The following EMC10 variants were observed in gnomAD, a reference collection of about 807,000 sequenced individuals.
EMC10 encodes the protein UPF0510 protein INM02.
Under a neutral mutation model 32.2 loss-of-function variants are expected in EMC10, and 40 were observed. That is an observed-to-expected ratio of 1.24 (90% confidence interval 0.96 to 1.61). EMC10 has a LOEUF of 1.61. Ranked by LOEUF, EMC10 falls within the 40% of genes most tolerant of loss-of-function variation. EMC10 has a pLI of 0.00. For missense variants in EMC10, 402 were observed against 357.7 expected, an observed-to-expected ratio of 1.12 and a Z score of -1.00; for synonymous variants, 178 against 158.4, an observed-to-expected ratio of 1.12 and a Z score of -0.93.
At chr19:50,477,844 A>G in intron 1 of EMC10, 85 bp from the exon 2 acceptor site, 1 of 1,034,640 alleles carries the variant, frequency 9.7e-7, no homozygotes, top group East Asian at 2.8e-5. Context: ...TCAGCCCACC[A>G]GTCTGTCTGT....
In EMC10 at chr19:50,482,343, A is replaced by C. The variant is rs1240179400; in HGVS notation, c.*84A>C. ...GTCCCCTGTGTCCTCAGCCATCCCA[A>C]GAAGGGTTTGCTGGTCCCTCCTTTC... On this transcript the variant is annotated 3_prime_UTR_variant, in exon 7 of 7. Coordinates refer to ENST00000334976, the MANE Select transcript of EMC10 (RefSeq NM_206538.4). The C allele has an allele frequency of 1.5e-6, 1 of 663,638 alleles. No individual in the cohort carries two copies. Among genetic ancestry groups the C allele is most frequent in the Non-Finnish European group, 2.6e-6 (1 of 377,906 alleles). 41.1% of individuals were successfully genotyped at this position (663,638 alleles called of 1,614,324 possible). A position where few individuals can be genotyped will look rare whatever the true frequency, so the allele number is the denominator to read the frequency against.
chr19:50,490,417 A>G lies in EMC10; in HGVS notation c.*8158A>G, dbSNP rs918165894. The G allele has an allele frequency of 6.6e-6, 1 of 152,144 alleles. No individual in the cohort carries two copies. The highest frequency in any genetic ancestry group is 2.4e-5 in the African/African-American group (1 of 41,422). The allele number at this position is 152,144 out of a possible 1,614,324, so 9.4% of individuals were successfully genotyped here. A position where few individuals can be genotyped will look rare whatever the true frequency, so the allele number is the denominator to read the frequency against. On this transcript the variant is annotated 3_prime_UTR_variant, in exon 7 of 7. Transcript: ENST00000334976. ...CGTTGAGCCACCGTGGCCGGCCCTTAAAAGCATCAAACTACATACAAGACC... is the reference window on the plus strand; with the variant it reads ...CGTTGAGCCACCGTGGCCGGCCCTTGAAAGCATCAAACTACATACAAGACC...
chr19:50,482,388 C>A lies in EMC10; in HGVS notation c.*129C>A, dbSNP rs1226481262. ...CCTTTCCCCCCGTCCCACGAGGCCACCTGGGCCAGCCCCTTGTCCTCTGCC... is the reference window on the plus strand; with the variant it reads ...CCTTTCCCCCCGTCCCACGAGGCCAACTGGGCCAGCCCCTTGTCCTCTGCC... On this transcript the variant is annotated 3_prime_UTR_variant, in exon 7 of 7. Coordinates refer to ENST00000334976, the MANE Select transcript of EMC10 (RefSeq NM_206538.4). The A allele has an allele frequency of 3.3e-6, 2 of 609,408 alleles. No individual in the cohort carries two copies. Among genetic ancestry groups the A allele is most frequent in the Admixed American group, 2.9e-5 (1 of 34,580 alleles). 37.8% of individuals were successfully genotyped at this position (609,408 alleles called of 1,614,324 possible).
intron 6 of EMC10, 180 bp from the exon 7 acceptor site, chr19:50,481,969 C>T (rs1464875420): frequency 1.2e-6 from 2 of 1,606,922 alleles, no homozygotes; most frequent in Admixed American, 1.7e-5. Context: ...GACCCCTGCC[C>T]CTCCCTGCGC....
At position 50,477,955 on chromosome 19, in the gene EMC10, G is replaced by C. The variant is rs777456159; in HGVS notation, c.141G>C (p.Glu47Asp). 6.2e-7 allele frequency: 1 copy of C among 1,601,806 alleles called. No individual in the cohort carries two copies. The highest frequency in any genetic ancestry group is 1.1e-5 in the South Asian group (1 of 89,366). ...RGAGAEGREG[E>D]ACGTVGLLLE... ...CTGGGGCGGAAGGTCGAGAGGGCGA[G>C]GCCTGTGGCACGGTGGGGCTGCTGC... The change falls in exon 2 of 7, where the codon GAG becomes GAC. Residue 47 changes from glutamate (E) to aspartate (D), a missense_variant. Coordinates refer to ENST00000334976, the MANE Select transcript of EMC10 (RefSeq NM_206538.4).
In EMC10 at chr19:50,482,202, C is replaced by T. The variant is rs1226218150; in HGVS notation, c.732C>T (p.Asp244=). 1 of 1,509,480 alleles carries T rather than the reference C, an allele frequency of 6.6e-7. No individual in the cohort carries two copies. The highest frequency in any genetic ancestry group is 1.1e-5 in the South Asian group (1 of 87,190). 93.5% of individuals were successfully genotyped at this position (1,509,480 alleles called of 1,614,324 possible). Residue 244 remains aspartate (D), a synonymous_variant, in exon 7 of 7, where the codon GAC becomes GAT. Coordinates refer to ENST00000334976, the MANE Select transcript of EMC10 (RefSeq NM_206538.4). ...TCCTCATGATGTCAGGAGCGCCAGACACCGGGGGCCAGGGTGGGGGTGGGG... is the reference window on the plus strand; with the variant it reads ...TCCTCATGATGTCAGGAGCGCCAGATACCGGGGGCCAGGGTGGGGGTGGGG... ...VLFLMMSGAP[D]TGGQGGGGGG...
Position 50,480,735 on chromosome 19 carries a change from A to G in EMC10, c.557A>G (p.Gln186Arg). ...CTGGAGCTGTTCAACACCTCGGTGC[A>G]GCTGCAGCCGCCCACCACAGCCCCA... ...VDLELFNTSV[Q>R]LQPPTTAPGP... The change falls in exon 5 of 7, where the codon CAG (glutamine) becomes CGG (arginine). Residue 186 changes from glutamine (Q) to arginine (R), a missense_variant. Physicochemically the swap from Gln to Arg is conservative, Grantham distance 43. Coordinates refer to ENST00000334976, the MANE Select transcript of EMC10 (RefSeq NM_206538.4). The surrounding 1 kb of genome is among the most constrained non-coding windows in gnomAD (Gnocchi z 4.4). 6.3e-7 allele frequency: 1 copy of G among 1,599,862 alleles called. No individual in the cohort carries two copies. Among genetic ancestry groups the G allele is most frequent in the Non-Finnish European group, 8.5e-7 (1 of 1,173,544 alleles).
rs1469411633 is a variant in EMC10, at chr19:50,490,456, G to A, written c.*8197G>A. On this transcript the variant is annotated 3_prime_UTR_variant, in exon 7 of 7. Coordinates refer to ENST00000334976, the MANE Select transcript of EMC10 (RefSeq NM_206538.4). ...ACATACAAGACCGTAAGGAAGCTGT[G>A]GGTCAACGCGGAGGGACGTGGGAAC... 4 of 152,182 alleles carry A rather than the reference G, an allele frequency of 2.6e-5. No individual in the cohort carries two copies. Among genetic ancestry groups the A allele is most frequent in the African/African-American group, 4.8e-5 (2 of 41,444 alleles). The allele number at this position is 152,182 out of a possible 1,614,324, so 9.4% of individuals were successfully genotyped here.
Position 50,480,669 on chromosome 19 carries a change from AC to A in EMC10, c.495del (p.Gly167AlafsTer72). ...GNVVGVSVVT[H>X]PGGCRGHEVE... is the part of the protein sequence containing the mutation. The stretch of plus-strand genomic sequence containing the variant: ...GTGGTGGGCGTGTCGGTGGTGACGC[AC>A]CCCGGGGGCTGCCGGGGCCATGAGG... On this transcript the variant is annotated frameshift_variant, in exon 5 of 7. Transcript: ENST00000334976. LOFTEE classifies it high-confidence loss of function. The surrounding 1 kb of genome is among the most constrained non-coding windows in gnomAD (Gnocchi z 4.4). The A allele has an allele frequency of 6.3e-7, 1 of 1,599,000 alleles. No homozygotes were observed.
Position 50,480,606 on chromosome 19 carries a change from C to G in EMC10, c.428C>G (p.Ser143Trp), listed in dbSNP as rs770934312. 10 of 1,564,458 alleles carry G rather than the reference C, an allele frequency of 6.4e-6. No individual in the cohort carries two copies. Among genetic ancestry groups the G allele is most frequent in the African/African-American group, 1.4e-5 (1 of 73,660 alleles). The change falls in exon 5 of 7, where the codon TCG becomes TGG. Residue 143 changes from serine (S) to tryptophan (W), a missense_variant. By Grantham distance (177) the Ser-to-Trp change is radical. Transcript: ENST00000334976. The surrounding 1 kb of genome is among the most constrained non-coding windows in gnomAD (Gnocchi z 4.4). ...PACSLVESHL[S>W]DQLTLHVDVA... ...TGCTCCCTGGTGGAGTCGCACCTGT[C>G]GGACCAGCTGACCCTGCACGTGGAT...
At chr19:50,478,866 A>C in intron 2 of EMC10, 91 bp from the exon 3 acceptor site, 24 of 958,062 alleles carry the variant, frequency 2.5e-5, no homozygotes, top group Non-Finnish European at 3.3e-5. Flanking sequence ...GGTGGAGGCC[A>C]GGCCAAAATT....
At position 50,480,429 on chromosome 19, in the gene EMC10, G is replaced by T. The variant is rs191162701; in HGVS notation, c.403-152G>T. On this transcript the variant is annotated intron_variant, in intron 4 of 6. Coordinates refer to ENST00000334976, the MANE Select transcript of EMC10 (RefSeq NM_206538.4). This position sits in a 1 kb window ranked among gnomAD's most constrained non-coding sequence, Gnocchi z 4.4. ...GATAGCATTGTGAGGACTCCCGGGT[G>T]GGGGGCGGTTGAACTTGGGCCTGAG... 1.7e-5 allele frequency: 17 copies of T among 1,016,432 alleles called. No individual in the cohort carries two copies. The highest frequency in any genetic ancestry group is 4.9e-5 in the African/African-American group (3 of 61,510). The allele number at this position is 1,016,432 out of a possible 1,614,324, so 63.0% of individuals were successfully genotyped here.
In EMC10 at chr19:50,486,791, G is replaced by A. The variant is rs1042608625; in HGVS notation, c.*4532G>A. 1 of 152,130 alleles carries A rather than the reference G, an allele frequency of 6.6e-6. No homozygotes were observed. The highest frequency in any genetic ancestry group is 2.4e-5 in the African/African-American group (1 of 41,410). 9.4% of individuals were successfully genotyped at this position (152,130 alleles called of 1,614,324 possible). On this transcript the variant is annotated 3_prime_UTR_variant, in exon 7 of 7. Coordinates refer to ENST00000334976, the MANE Select transcript of EMC10 (RefSeq NM_206538.4). ...ATGACTTGAAAATGTGTGAAGTTCA[G>A]AAGTTTCATACCAAGAAGTTTGCTG...
chr19:50,481,137 C>A, intron 6 of EMC10, 160 bp downstream of exon 6: 1 of 616,346 alleles, frequency 1.6e-6, no homozygotes. Flanking sequence ...GGCTTGTTTG[C>A]AGGAAGAGGG....
At position 50,480,292 on chromosome 19, in the gene EMC10, G is replaced by C; in HGVS notation, c.402+77G>C. The C allele has an allele frequency of 1.4e-6, 2 of 1,412,198 alleles. No individual in the cohort carries two copies. Among genetic ancestry groups the C allele is most frequent in the South Asian group, 1.3e-5 (1 of 79,718 alleles). The allele number at this position is 1,412,198 out of a possible 1,614,324, so 87.5% of individuals were successfully genotyped here. ...TACCCTGGTCCTGCTTCCACCATTC[G>C]AACCCCTGTGTTTCTGGAGCCCGCA... On this transcript the variant is annotated intron_variant, in intron 4 of 6. Coordinates refer to ENST00000334976, the MANE Select transcript of EMC10 (RefSeq NM_206538.4). This position sits in a 1 kb window ranked among gnomAD's most constrained non-coding sequence, Gnocchi z 4.4.
At chr19:50,477,880 G>A in intron 1 of EMC10, 49 bp from the exon 2 acceptor site, 2 of 1,509,826 alleles carry the variant, frequency 1.3e-6, no homozygotes, top group Non-Finnish European at 1.8e-6. Flanking sequence ...TGACTACTAT[G>A]CTGAGGGCTT....
rs1480211002 is a variant in EMC10 at position 50,482,546 on chromosome 19, G to C, written c.*287G>C. ...CCCATGGAGTAGAGCCCGAGATCCT[G>C]GCCACTATGCCAGTTCTGACCTCGC... On this transcript the variant is annotated 3_prime_UTR_variant, in exon 7 of 7. Coordinates refer to ENST00000334976, the MANE Select transcript of EMC10 (RefSeq NM_206538.4). 2 of 550,008 alleles carry C rather than the reference G, an allele frequency of 3.6e-6. No homozygotes were observed. The highest frequency in any genetic ancestry group is 3.9e-5 in the African/African-American group (2 of 51,590). 34.1% of individuals were successfully genotyped at this position (550,008 alleles called of 1,614,324 possible).
intron 3 of EMC10, 126 bp from the exon 4 acceptor site, chr19:50,479,985 C>A: frequency 1.3e-6 from 1 of 755,392 alleles, no homozygotes; most frequent in Non-Finnish European, 2.1e-6. Flanking sequence ...GTTGGCTGGC[C>A]TGGGGAGTGT....
rs2040305210 is a variant in EMC10 at position 50,480,690 on chromosome 19, A to C, written c.512A>C (p.His171Pro). 1.2e-6 allele frequency: 2 copies of C among 1,604,254 alleles called. No individual in the cohort carries two copies. The highest frequency in any genetic ancestry group is 1.7e-6 in the Non-Finnish European group (2 of 1,176,464). Residue 171 changes from histidine to proline, a missense_variant, in exon 5 of 7, where the codon CAT (histidine) becomes CCT (proline). Coordinates refer to ENST00000334976, the MANE Select transcript of EMC10 (RefSeq NM_206538.4). The surrounding 1 kb of genome is among the most constrained non-coding windows in gnomAD (Gnocchi z 4.4). ...VVTHPGGCRG[H>P]EVEDVDLELF... ...ACGCACCCCGGGGGCTGCCGGGGCC[A>C]TGAGGTGGAGGACGTGGACCTGGAG...
Sources: allele counts gnomAD v4.1 joint callset, GRCh38; gene constraint gnomAD v4.1.1; non-coding constraint Gnocchi (gnomAD v3.1); transcripts MANE v1.5; gene names NCBI Gene and HGNC (gene_info 2026-07-23, HGNC 2026-07-21).